SUMF1: variants seen among roughly 807,000 people sequenced by gnomAD.
SUMF1 encodes the protein formylglycine-generating enzyme.
SUMF1 carries 48 observed loss-of-function variants against 47.6 expected under a neutral mutation model. The observed-to-expected ratio is 1.01, with a 90% confidence interval of 0.80 to 1.28. The LOEUF is 1.28. SUMF1 is among the 50% of genes most tolerant of loss of function. SUMF1 has a pLI of 0.00. For missense variants in SUMF1, 571 were observed against 485.4 expected (o/e 1.18, Z -1.66); for synonymous variants, 230 against 192.1 (o/e 1.20, Z -1.63).
downstream of SUMF1, among the ~76,000 whole-genome samples, chr3:4,357,909 C>T (rs946651621): frequency 1.3e-5 from 2 of 152,028 alleles, no homozygotes; most frequent in East Asian, 1.9e-4. Context: ...TGCCTGGCCC[C>T]GACCAACTCT....
intron 1 of SUMF1, among the ~76,000 whole-genome samples, chr3:4,464,924 C>A (rs1318967674): frequency 6.6e-6 from 1 of 152,104 alleles, no homozygotes; most frequent in Non-Finnish European, 1.5e-5. Context: ...AAAGATGGCC[C>A]ATATAGCATC....
At chr3:4,309,355 G>A (rs1290618991) in intron 8 of SUMF1, among the ~76,000 whole-genome samples, 7 of 152,168 alleles carry the variant, frequency 4.6e-5, no homozygotes, top group Non-Finnish European at 1.0e-4. Flanking sequence ...CCCTTGCTGA[G>A]AGGAGGGGTC....
intron 8 of SUMF1, among the ~76,000 whole-genome samples, chr3:4,103,245 A>G (rs1043638984): frequency 1.1e-4 from 16 of 152,158 alleles, no homozygotes; most frequent in African/African-American, 3.1e-4. Context: ...CATAAAAAAA[A>G]AAAGAAAGAA....
intron 8 of SUMF1, among the ~76,000 whole-genome samples, chr3:4,331,088 C>T (rs984694473): frequency 6.6e-6 from 1 of 152,184 alleles, no homozygotes. Flanking sequence ...CAAGGTCAGT[C>T]TTCTACAAAC....
intron 6 of SUMF1, among the ~76,000 whole-genome samples, chr3:4,413,395 A>C (rs529412965): frequency 2.0e-4 from 31 of 152,148 alleles, no homozygotes; most frequent in Non-Finnish European, 4.3e-4. Context: ...AATAGTACCT[A>C]CTCAAGGGTT....
At position 4,042,257 on chromosome 3, in the gene SUMF1, T is replaced by A. The variant is rs181421332; in HGVS notation, c.1191+26312A>T. Among the ~76,000 whole-genome samples the A allele has an allele frequency of 5.5e-3, 837 of 152,324 alleles. 7 individuals carry two copies. The highest frequency in any genetic ancestry group is 0.019 in the African/African-American group (773 of 41,582). On this transcript the variant is annotated intron_variant and NMD_transcript_variant, in intron 9 of 12. Transcript: ENST00000448413. The stretch of plus-strand genomic sequence containing the variant: ...TAAATACAAATTAATGAGGTACATC[T>A]ATTATGTCACCTGATCTTTATAACG...
intron 8 of SUMF1, among the ~76,000 whole-genome samples, chr3:4,240,110 G>A (rs1342832868): frequency 6.6e-6 from 1 of 152,186 alleles, no homozygotes; most frequent in Non-Finnish European, 1.5e-5. Context: ...GTATCCCAGG[G>A]ATGAAGCTGA....
At chr3:4,365,592 T>C (rs1157438016) in intron 8 of SUMF1, among the ~76,000 whole-genome samples, 1 of 146,096 alleles carries the variant, frequency 6.8e-6, no homozygotes, top group Non-Finnish European at 1.5e-5. Context: ...CATCCTTTTA[T>C]TTTGAGCCTA....
chr3:4,258,856 AC>A (rs1697017692), intron 8 of SUMF1, among the ~76,000 whole-genome samples: 1 of 137,160 alleles, frequency 7.3e-6, no homozygotes, highest in Admixed American at 7.3e-5. Context: ...AAGACTTGGA[AC>A]CAACCCAAAT....
intron 8 of SUMF1, among the ~76,000 whole-genome samples, chr3:4,112,102 A>T (rs1693321583): frequency 6.6e-6 from 1 of 152,132 alleles, no homozygotes; most frequent in South Asian, 2.1e-4. Flanking sequence ...AGACAAAAAG[A>T]TCTACAATTA....
rs10662776 is a variant in SUMF1, at chr3:4,296,306, T to TAAAA, written c.1014+80020_1014+80023dup. 1.3e-3 allele frequency among the ~76,000 whole-genome samples: 188 copies of TAAAA among 143,610 alleles called. 1 individual carries two copies. The highest frequency in any genetic ancestry group is 8.8e-3 in the East Asian group (43 of 4,890). The allele number at this position is 143,610 out of a possible 152,430, so 94.2% of individuals were successfully genotyped here. On this transcript the variant is annotated intron_variant and NMD_transcript_variant, in intron 8 of 12. Transcript: ENST00000448413. ...AGACACATCAGAAAGGCAAAATAGT[T>TAAAA]AAAAAAAAAAAAAAGCTTACCCATC...
intron 8 of SUMF1, among the ~76,000 whole-genome samples, chr3:4,111,021 C>CA (rs11306404): frequency 6.5e-4 from 88 of 134,768 alleles, no homozygotes; most frequent in African/African-American, 1.4e-3. Flanking sequence ...ACAATCATAG[C>CA]AAAAAAAAAA....
intron 7 of SUMF1, among the ~76,000 whole-genome samples, chr3:4,391,365 C>T (rs1466500577): frequency 6.6e-6 from 1 of 152,064 alleles, no homozygotes; most frequent in African/African-American, 2.4e-5. Flanking sequence ...ATTTTTGTCC[C>T]TTTTGCTCCT....
chr3:4,046,246 G>A (rs1043250674), intron 9 of SUMF1, among the ~76,000 whole-genome samples: 3 of 152,152 alleles, frequency 2.0e-5, no homozygotes, highest in Non-Finnish European at 4.4e-5. Context: ...CCCAAGTCGT[G>A]AGTTGAATGA....
chr3:4,319,802 T>C (rs1026604115), intron 8 of SUMF1, among the ~76,000 whole-genome samples: 3 of 152,184 alleles, frequency 2.0e-5, no homozygotes, highest in Non-Finnish European at 4.4e-5. Context: ...TACATCCATA[T>C]GATGGAATAC....
At chr3:4,122,414 G>C (rs795308) in intron 8 of SUMF1, among the ~76,000 whole-genome samples, 44,142 of 151,996 alleles carry the variant, frequency 0.29, 6,790 homozygotes, top group East Asian at 0.41. Flanking sequence ...TGGGAAATAG[G>C]AAGTAAGTAT....
intron 7 of SUMF1, among the ~76,000 whole-genome samples, chr3:4,376,708 T>C (rs1261743146): frequency 6.6e-6 from 1 of 152,236 alleles, no homozygotes; most frequent in Non-Finnish European, 1.5e-5. Context: ...CTGCACCTCT[T>C]ACCATGTCAT....
At chr3:4,354,825 C>G (rs2125161782) in intron 8 of SUMF1, among the ~76,000 whole-genome samples, 1 of 152,324 alleles carries the variant, frequency 6.6e-6, no homozygotes, top group South Asian at 2.1e-4. Context: ...CTAGGAAGCA[C>G]TTATCCCAGT....
At chr3:4,323,865 GATTA>G (rs1698888585) in intron 8 of SUMF1, among the ~76,000 whole-genome samples, 1 of 152,110 alleles carries the variant, frequency 6.6e-6, no homozygotes. Context: ...ATAAGAGATA[GATTA>G]ATTAACCTGA....
Sources: gnomAD v4.1 joint callset for allele counts (sites outside exome capture counted in the v4.1 genomes callset) on GRCh38, gnomAD v4.1.1 for gene constraint, MANE v1.5 for transcripts, NCBI Gene and HGNC (gene_info 2026-07-23, HGNC 2026-07-21) for gene names.